Variants in CDKN1B observed in about 807,000 individuals in gnomAD.
The protein encoded by CDKN1B is cyclin dependent kinase inhibitor 1B, also known as cyclin-dependent kinase inhibitor 1B.
Under a neutral mutation model 17.1 loss-of-function variants are expected in CDKN1B, and 7 were observed. The ratio of observed to expected loss-of-function variants is 0.41; its 90% CI spans 0.23 to 0.77. The LOEUF is 0.77. Among genes scored for constraint, CDKN1B ranks in the 30% least tolerant of loss-of-function variants. The pLI is 0.33. For synonymous variants in CDKN1B, 149 were observed against 104.3 expected (o/e 1.43, Z -2.61); for missense variants, 337 against 262.0 (o/e 1.29, Z -1.98).
chr12:12,717,607 C>T lies in CDKN1B; in HGVS notation c.-233C>T, dbSNP rs1946479273. On this transcript the variant is annotated 5_prime_UTR_variant, in exon 1 of 3. Coordinates refer to ENST00000228872, the MANE Select transcript of CDKN1B (RefSeq NM_004064.5). ...TGGTCCCCTCTCCTCTCCGCCCTCC[C>T]GCTCGCCAGTCCATTTGATCAGCGG... The T allele has an allele frequency of 3.5e-6, 5 of 1,441,052 alleles. No individual in the cohort carries two copies. The East Asian group carries it at 1.3e-4, about 36-fold the overall frequency. The allele number at this position is 1,441,052 out of a possible 1,614,324, so 89.3% of individuals were successfully genotyped here. A position where few individuals can be genotyped will look rare whatever the true frequency, so the allele number is the denominator to read the frequency against.
chr12:12,718,678 C>G, intron 1 of CDKN1B, 147 bp from the exon 2 acceptor site: 2 of 955,488 alleles, frequency 2.1e-6, no homozygotes, highest in Non-Finnish European at 3.3e-6. Context: ...ATTTTGTGCC[C>G]TTAAAAGCCA....
chr12:12,720,928 C>T (rs1338553289), intron 2 of CDKN1B, 108 bp from the exon 3 acceptor site: 3 of 548,000 alleles, frequency 5.5e-6, no homozygotes, highest in South Asian at 5.4e-5. Flanking sequence ...CTTTTTTCCC[C>T]ATCAAGTATT....
chr12:12,720,904 CT>C lies in CDKN1B; in HGVS notation c.*9-131del, dbSNP rs1946535305. 6 of 544,786 alleles carry C rather than the reference CT, an allele frequency of 1.1e-5. No individual in the cohort carries two copies. The South Asian group carries it at 1.6e-4, about 15-fold the overall frequency. The allele number at this position is 544,786 out of a possible 1,614,324, so 33.7% of individuals were successfully genotyped here. A position where few individuals can be genotyped will look rare whatever the true frequency, so the allele number is the denominator to read the frequency against. The stretch of plus-strand genomic sequence containing the variant: ...TTAAGAGAATGTTAGGTGGAGATGA[CT>C]ATAGTCATCAAACTTTTTTCCCCAT... On this transcript the variant is annotated intron_variant, in intron 2 of 2. Transcript: ENST00000228872.
rs552816150 is a variant in CDKN1B at position 12,717,368 on chromosome 12, C to T, written c.-472C>T. ...ATAGACTCGCCGTGTCAATCATTTT[C>T]TTCTTCGTCAGCCTCCCTTCCACCG... On this transcript the variant is annotated 5_prime_UTR_variant, in exon 1 of 3. Transcript: ENST00000228872. 1.8e-6 allele frequency: 2 copies of T among 1,108,436 alleles called. No individual in the cohort carries two copies. The highest frequency in any genetic ancestry group is 1.7e-5 in the African/African-American group (1 of 60,332). The allele number at this position is 1,108,436 out of a possible 1,614,324, so 68.7% of individuals were successfully genotyped here.
At position 12,718,125 on chromosome 12, in the gene CDKN1B, AAAGGTGCCTGC is replaced by A. The variant is rs2136356028; in HGVS notation, c.295_305del (p.Cys99GlyfsTer22). On this transcript the variant is annotated frameshift_variant, in exon 1 of 3. Coordinates refer to ENST00000228872, the MANE Select transcript of CDKN1B (RefSeq NM_004064.5). LOFTEE classifies it high-confidence loss of function. ...CTACTACAGACCCCCGCGGCCCCCC[AAAGGTGCCTGC>A]AAGGTGCCGGCGCAGGAGAGCCAGG... The A allele has an allele frequency of 6.2e-7, 1 of 1,614,102 alleles. No homozygotes were observed. Among genetic ancestry groups the A allele is most frequent in the Non-Finnish European group, 8.5e-7 (1 of 1,180,028 alleles).
At position 12,718,899 on chromosome 12, in the gene CDKN1B, G is replaced by A. The variant is rs2136357409; in HGVS notation, c.550G>A (p.Val184Met). ...VSDGSPNAGS[V>M]EQTPKKPGLR... ...AGACGGTTCCCCAAATGCCGGTTCTGTGGAGCAGACGCCCAAGAAGCCTGG... is the reference window on the plus strand; with the variant it reads ...AGACGGTTCCCCAAATGCCGGTTCTATGGAGCAGACGCCCAAGAAGCCTGG... The change falls in exon 2 of 3, where the codon GTG becomes ATG. Residue 184 changes from valine (V) to methionine (M), a missense_variant. Transcript: ENST00000228872. 1.2e-6 allele frequency: 2 copies of A among 1,614,182 alleles called. No individual in the cohort carries two copies. Among genetic ancestry groups the A allele is most frequent in the Non-Finnish European group, 1.7e-6 (2 of 1,180,038 alleles).
Position 12,717,546 on chromosome 12 carries a change from A to G in CDKN1B, c.-294A>G. 1.4e-6 allele frequency: 2 copies of G among 1,400,410 alleles called. No homozygotes were observed. Among genetic ancestry groups the G allele is most frequent in the Non-Finnish European group, 1.9e-6 (2 of 1,078,142 alleles). 86.7% of individuals were successfully genotyped at this position (1,400,410 alleles called of 1,614,324 possible). On this transcript the variant is annotated 5_prime_UTR_variant, in exon 1 of 3. Coordinates refer to ENST00000228872, the MANE Select transcript of CDKN1B (RefSeq NM_004064.5). Reference sequence around the variant, plus strand: ...GGGACCCGCGGGCTTGCACCCGCCCAGACTCGGACGGGCTTTGCCACCCTC... The same window carrying G: ...GGGACCCGCGGGCTTGCACCCGCCCGGACTCGGACGGGCTTTGCCACCCTC...
chr12:12,719,061 T>C (rs1362297438), intron 2 of CDKN1B, 107 bp downstream of exon 2: 6 of 1,433,982 alleles, frequency 4.2e-6, no homozygotes, highest in East Asian at 2.3e-5. Context: ...GGGTTTTGTT[T>C]TGTTTATACT....
Position 12,721,201 on chromosome 12 carries a change from TA to T in CDKN1B, c.*177del, listed in dbSNP as rs1369622503. ...ATAACACTAAAATTTTAGGCACTCT[TA>T]AATGATCTGCCTCTAAAAGCGTTGG... On this transcript the variant is annotated 3_prime_UTR_variant, in exon 3 of 3. Coordinates refer to ENST00000228872, the MANE Select transcript of CDKN1B (RefSeq NM_004064.5). 1 of 762,896 alleles carries T rather than the reference TA, an allele frequency of 1.3e-6. No homozygotes were observed. Among genetic ancestry groups the T allele is most frequent in the Non-Finnish European group, 2.4e-6 (1 of 411,870 alleles). 47.3% of individuals were successfully genotyped at this position (762,896 alleles called of 1,614,324 possible). A position where few individuals can be genotyped will look rare whatever the true frequency, so the allele number is the denominator to read the frequency against.
At chr12:12,720,796 G>C (rs1044559894) in intron 2 of CDKN1B, among the ~76,000 whole-genome samples, 4 of 152,118 alleles carry the variant, frequency 2.6e-5, no homozygotes, top group Admixed American at 6.6e-5. Context: ...TTCCCTGTGG[G>C]GCGGGGGCAA....
chr12:12,718,736 A>C, intron 1 of CDKN1B, 89 bp from the exon 2 acceptor site: 1 of 1,507,444 alleles, frequency 6.6e-7, no homozygotes, highest in South Asian at 1.1e-5. Flanking sequence ...TGGGTTTTTC[A>C]TCCCCTGACT....
rs757340394 is a variant in CDKN1B at position 12,718,809 on chromosome 12, T to C, written c.476-16T>C. Reference sequence around the variant, plus strand: ...AAAGATTGTGTGTTCTTTTTAAAAATTTCCCCTGCGCTTAGATTCTTCTAC... The same window carrying C: ...AAAGATTGTGTGTTCTTTTTAAAAACTTCCCCTGCGCTTAGATTCTTCTAC... On this transcript the variant is annotated splice_polypyrimidine_tract_variant and intron_variant, in intron 1 of 2. Transcript: ENST00000228872. 12 of 1,613,870 alleles carry C rather than the reference T, an allele frequency of 7.4e-6. No homozygotes were observed. Among genetic ancestry groups the C allele is most frequent in the African/African-American group, 1.3e-5 (1 of 74,890 alleles).
At position 12,721,090 on chromosome 12, in the gene CDKN1B, G is replaced by GA. The variant is rs1307927584; in HGVS notation, c.*65dup. On this transcript the variant is annotated 3_prime_UTR_variant, in exon 3 of 3. Coordinates refer to ENST00000228872, the MANE Select transcript of CDKN1B (RefSeq NM_004064.5). ...ATACATCACTGCTTGATGAAGCAAGGAAGATATACATGAAAATTTTAAAAA... is the reference window on the plus strand; with the variant it reads ...ATACATCACTGCTTGATGAAGCAAGGAAAGATATACATGAAAATTTTAAAAA... 1 of 770,054 alleles carries GA rather than the reference G, an allele frequency of 1.3e-6. No homozygotes were observed. The highest frequency in any genetic ancestry group is 2.4e-6 in the Non-Finnish European group (1 of 413,614). 47.7% of individuals were successfully genotyped at this position (770,054 alleles called of 1,614,324 possible). A position where few individuals can be genotyped will look rare whatever the true frequency, so the allele number is the denominator to read the frequency against.
Position 12,721,019 on chromosome 12 carries a change from T to A in CDKN1B, c.*9-17T>A. 1.5e-6 allele frequency: 1 copy of A among 668,498 alleles called. No homozygotes were observed. Among genetic ancestry groups the A allele is most frequent in the Non-Finnish European group, 2.7e-6 (1 of 364,368 alleles). 41.4% of individuals were successfully genotyped at this position (668,498 alleles called of 1,614,324 possible). ...AGTGCTCTTCCTTTAATTCTTCCGT[T>A]TTGTTTTCTTTTGCAGAATTAAGAA... On this transcript the variant is annotated splice_polypyrimidine_tract_variant and intron_variant, in intron 2 of 2. Coordinates refer to ENST00000228872, the MANE Select transcript of CDKN1B (RefSeq NM_004064.5).
chr12:12,721,200 T>C lies in CDKN1B; in HGVS notation c.*173T>C, dbSNP rs762188974. The C allele has an allele frequency of 8.7e-5, 66 of 762,974 alleles. 1 individual carries two copies. The Middle Eastern group carries it at 1.1e-3, about 13-fold the overall frequency. 47.3% of individuals were successfully genotyped at this position (762,974 alleles called of 1,614,324 possible). ...AATAACACTAAAATTTTAGGCACTCTTAAATGATCTGCCTCTAAAAGCGTT... is the reference window on the plus strand; with the variant it reads ...AATAACACTAAAATTTTAGGCACTCCTAAATGATCTGCCTCTAAAAGCGTT... On this transcript the variant is annotated 3_prime_UTR_variant, in exon 3 of 3. Coordinates refer to ENST00000228872, the MANE Select transcript of CDKN1B (RefSeq NM_004064.5).
At position 12,718,031 on chromosome 12, in the gene CDKN1B, T is replaced by G. The variant is rs2136355753; in HGVS notation, c.192T>G (p.Phe64Leu). ...EASQRKWNFD[F>L]QNHKPLEGKY... ...GCCAGCGCAAGTGGAATTTCGATTT[T>G]CAGAATCACAAACCCCTAGAGGGCA... The change falls in exon 1 of 3, where the codon TTT (phenylalanine) becomes TTG (leucine). Residue 64 changes from phenylalanine to leucine, a missense_variant. By Grantham distance (22) the Phe-to-Leu change is conservative (BLOSUM62 0). Transcript: ENST00000228872. The G allele has an allele frequency of 6.2e-7, 1 of 1,614,220 alleles. No individual in the cohort carries two copies. The highest frequency in any genetic ancestry group is 8.5e-7 in the Non-Finnish European group (1 of 1,180,026).
chr12:12,719,266 C>A, intron 2 of CDKN1B: 1 of 351,854 alleles, frequency 2.8e-6, no homozygotes, highest in Non-Finnish European at 5.4e-6. Flanking sequence ...CTTTGCCCAT[C>A]CGAACAAGAA....
At chr12:12,718,665 C>T (rs1018334138) in intron 1 of CDKN1B, among the ~76,000 whole-genome samples, 160 bp from the exon 2 acceptor site, 1 of 152,006 alleles carries the variant, frequency 6.6e-6, no homozygotes, top group African/African-American at 2.4e-5. Flanking sequence ...TGAAAACAAC[C>T]TCATTTTGTG....
chr12:12,720,409 A>G (rs1439143260), intron 2 of CDKN1B, among the ~76,000 whole-genome samples: 2 of 152,216 alleles, frequency 1.3e-5, no homozygotes, highest in Admixed American at 6.5e-5. Flanking sequence ...ATATTTTGAA[A>G]ATGATGTTAA....
Sources: gnomAD v4.1 joint callset for allele counts (sites outside exome capture counted in the v4.1 genomes callset) on GRCh38, gnomAD v4.1.1 for gene constraint, MANE v1.5 for transcripts, NCBI Gene and HGNC (gene_info 2026-07-23, HGNC 2026-07-21) for gene names.